Variants in FRAS1 observed in about 807,000 individuals in gnomAD.
The protein encoded by FRAS1 is extracellular matrix organizing protein FRAS1.
In FRAS1, 290 loss-of-function variants were observed where a neutral mutation model predicts 435.2. The observed-to-expected ratio is 0.67, with a 90% CI of 0.61 to 0.73. FRAS1 has a LOEUF of 0.73. Ranked by LOEUF, FRAS1 falls within the 30% of genes least tolerant of loss-of-function variation. The pLI, the probability that FRAS1 is intolerant of heterozygous loss-of-function variation, is 0.00. For missense variants in FRAS1, 4,860 were observed against 5,001.5 expected, an observed-to-expected ratio of 0.97 and a Z score of 0.85; for synonymous variants, 1,800 against 1,851.0, an observed-to-expected ratio of 0.97 and a Z score of 0.71.
At chr4:78,448,906 G>A (rs1718937427) in intron 44 of FRAS1, among the ~76,000 whole-genome samples, 1 of 152,142 alleles carries the variant, frequency 6.6e-6, no homozygotes. Context: ...ATTAAGAAGT[G>A]GACCTTTTGC....
At chr4:78,363,378 A>G in intron 20 of FRAS1, 135 bp from the exon 21 acceptor site, 1 of 828,720 alleles carries the variant, frequency 1.2e-6, no homozygotes, top group Non-Finnish European at 1.8e-6. Context: ...TTACTGATAT[A>G]CACTGCCTTT....
chr4:78,389,956 G>A (rs973665999), intron 29 of FRAS1, among the ~76,000 whole-genome samples: 5 of 152,152 alleles, frequency 3.3e-5, no homozygotes, highest in Non-Finnish European at 7.3e-5. Context: ...CCTGAAAAGT[G>A]AATTTAAGTT....
chr4:78,387,298 T>A, intron 28 of FRAS1, 77 bp from the exon 29 acceptor site: 2 of 1,066,286 alleles, frequency 1.9e-6, no homozygotes, highest in Non-Finnish European at 2.8e-6. Flanking sequence ...AGTATAGGAA[T>A]AACAATCAGG....
chr4:78,260,328 C>T (rs1726023792), intron 6 of FRAS1, among the ~76,000 whole-genome samples: 1 of 152,084 alleles, frequency 6.6e-6, no homozygotes, highest in African/African-American at 2.4e-5. Context: ...ATTCTTCCTA[C>T]CCATGAGCAT....
rs1273326873 is a variant in FRAS1, at chr4:78,159,379, G to C, written c.109-78131G>C. ...TGGAGTAAGAACATGAGTGGCTCCT[G>C]TGCATTGTGCATTGTTTGAGAACAA... On this transcript the variant is annotated intron_variant, in intron 2 of 73. Coordinates refer to ENST00000512123, the MANE Select transcript of FRAS1 (RefSeq NM_025074.7). Among the ~76,000 whole-genome samples, 3 of 152,142 alleles carry C rather than the reference G, an allele frequency of 2.0e-5. No homozygotes were observed. In the East Asian group the frequency reaches 5.8e-4, roughly 29 times the overall value.
At chr4:78,310,421 C>T (rs1041897158) in intron 15 of FRAS1, among the ~76,000 whole-genome samples, 3 of 152,088 alleles carry the variant, frequency 2.0e-5, no homozygotes, top group Non-Finnish European at 4.4e-5. Context: ...ATAGTTAATG[C>T]GAGACTGGAG....
chr4:78,245,659 G>A (rs1725208334), intron 4 of FRAS1, among the ~76,000 whole-genome samples: 1 of 152,138 alleles, frequency 6.6e-6, no homozygotes, highest in Non-Finnish European at 1.5e-5. Context: ...GGTGAGTAGA[G>A]CAGATGTTAT....
At chr4:78,204,233 A>G (rs999196030) in intron 2 of FRAS1, among the ~76,000 whole-genome samples, 1 of 152,188 alleles carries the variant, frequency 6.6e-6, no homozygotes, top group Admixed American at 6.5e-5. Flanking sequence ...TTCCCCTAAG[A>G]GCAGTGGTTC....
At chr4:78,292,644 C>T (rs1423641023) in intron 14 of FRAS1, among the ~76,000 whole-genome samples, 2 of 152,124 alleles carry the variant, frequency 1.3e-5, no homozygotes, top group Non-Finnish European at 2.9e-5. Flanking sequence ...CTGGGTGGAC[C>T]TCTTGACAAT....
chr4:78,090,583 T>C (rs1030374783), intron 2 of FRAS1, among the ~76,000 whole-genome samples: 18 of 152,316 alleles, frequency 1.2e-4, no homozygotes, highest in African/African-American at 3.8e-4. Context: ...GTTTGGCTGA[T>C]GCTGTTCCCG....
chr4:78,287,128 C>G (rs892077963), intron 14 of FRAS1, among the ~76,000 whole-genome samples: 1 of 151,740 alleles, frequency 6.6e-6, no homozygotes, highest in African/African-American at 2.4e-5. Context: ...AAGCAAGATA[C>G]GTCTTACATG....
chr4:78,410,221 T>G (rs1381660038), intron 31 of FRAS1, among the ~76,000 whole-genome samples: 1 of 152,188 alleles, frequency 6.6e-6, no homozygotes, highest in Non-Finnish European at 1.5e-5. Flanking sequence ...GGAATCTAAG[T>G]AGCTGCTCAA....
At chr4:78,232,389 C>T (rs1724553520) in intron 2 of FRAS1, among the ~76,000 whole-genome samples, 1 of 151,834 alleles carries the variant, frequency 6.6e-6, no homozygotes, top group Non-Finnish European at 1.5e-5. Flanking sequence ...GGGTTCATGC[C>T]ATTCTCCTGC....
intron 40 of FRAS1, among the ~76,000 whole-genome samples, chr4:78,440,386 A>G (rs1260057438): frequency 6.6e-6 from 1 of 152,104 alleles, no homozygotes; most frequent in Non-Finnish European, 1.5e-5. Flanking sequence ...CCATTTTTAC[A>G]TAAAACCTTG....
chr4:78,252,431 T>C lies in FRAS1; in HGVS notation c.349T>C (p.Ser117Pro). Reference sequence around the variant, plus strand: ...GGCCTCTTCTCCATGTAGTGTGTGCTCTTGCAATCATGGGGAAGTCCGATG... The same window carrying C: ...GGCCTCTTCTCCATGTAGTGTGTGCCCTTGCAATCATGGGGAAGTCCGATG... ...EWASSPCSVC[S>P]CNHGEVRCTP... The change falls in exon 5 of 74, where the codon TCT becomes CCT. Residue 117 changes from serine to proline, a missense_variant. Physicochemically the swap from Ser to Pro is moderately conservative, Grantham distance 74. Coordinates refer to ENST00000512123, the MANE Select transcript of FRAS1 (RefSeq NM_025074.7). 1 of 1,613,698 alleles carries C rather than the reference T, an allele frequency of 6.2e-7. No individual in the cohort carries two copies. The highest frequency in any genetic ancestry group is 8.5e-7 in the Non-Finnish European group (1 of 1,179,794).
chr4:78,267,415 A>G lies in FRAS1; in HGVS notation c.964A>G (p.Lys322Glu). 3.7e-6 allele frequency: 6 copies of G among 1,613,770 alleles called. No individual in the cohort carries two copies. Among genetic ancestry groups the G allele is most frequent in the Non-Finnish European group, 4.2e-6 (5 of 1,179,820 alleles). Residue 322 changes from lysine to glutamate, a missense_variant, in exon 9 of 74, where the codon AAA becomes GAA. Coordinates refer to ENST00000512123, the MANE Select transcript of FRAS1 (RefSeq NM_025074.7). ...GACCTGCCAGACTGGAGAGTGTGCC[A>G]AAGTGGAGTGTGCCCGGGTAAGAAG... is the stretch of plus-strand genomic sequence containing the variant. ...QVTCQTGECA[K>E]VECARDEELI...
chr4:78,440,000 A>C (rs2109824631), intron 40 of FRAS1, among the ~76,000 whole-genome samples: 1 of 150,806 alleles, frequency 6.6e-6, no homozygotes, highest in South Asian at 2.1e-4. Context: ...CTGAAAATTC[A>C]TAAAACTAAG....
Position 78,099,429 on chromosome 4 carries a change from C to T in FRAS1, c.108+33413C>T, listed in dbSNP as rs112631426. Among the ~76,000 whole-genome samples, 164 of 152,326 alleles carry T rather than the reference C, an allele frequency of 1.1e-3. 6 individuals are homozygous for T. The highest frequency in any genetic ancestry group is 3.8e-3 in the African/African-American group (156 of 41,572). ...CTGCTGCATATTCCAGTCCTCCCCT[C>T]CACTTGCAGAATCCTTTTTGGTCAA... On this transcript the variant is annotated intron_variant, in intron 2 of 73. Transcript: ENST00000512123.
chr4:78,064,684 C>G (rs953262740), intron 1 of FRAS1, among the ~76,000 whole-genome samples: 1 of 151,230 alleles, frequency 6.6e-6, no homozygotes, highest in Non-Finnish European at 1.5e-5. Context: ...TTGATTCAAA[C>G]CTAAGTGTAA....
Sources: gnomAD v4.1 joint callset for allele counts (sites outside exome capture counted in the v4.1 genomes callset) on GRCh38, gnomAD v4.1.1 for gene constraint, MANE v1.5 for transcripts, NCBI Gene and HGNC (gene_info 2026-07-23, HGNC 2026-07-21) for gene names.